RABGAP1: variants seen among roughly 807,000 people sequenced by gnomAD.
The protein encoded by RABGAP1 is RAB GTPase activating protein 1, also known as rab GTPase-activating protein 1.
In RABGAP1, 23 loss-of-function variants were observed where a neutral mutation model predicts 137.6. The observed-to-expected ratio is 0.17, with a 90% CI of 0.12 to 0.24. The LOEUF (loss-of-function observed/expected upper bound fraction) is 0.24. Among genes scored for constraint, RABGAP1 ranks in the 10% least tolerant of loss-of-function variants. The pLI, the probability that RABGAP1 is intolerant of heterozygous loss-of-function variation, is 1.00. For missense variants in RABGAP1, 906 were observed against 1,275.8 expected (o/e 0.71, Z 4.42); for synonymous variants, 451 against 450.7 (o/e 1.00, Z -0.01).
In RABGAP1 at chr9:123,086,906, C is replaced by G. The variant is rs141413921; in HGVS notation, c.2425-2852C>G. On this transcript the variant is annotated intron_variant, in intron 19 of 25. Coordinates refer to ENST00000373647, the MANE Select transcript of RABGAP1 (RefSeq NM_012197.4). Reference sequence around the variant, plus strand: ...ATCAGCTAGAGAAACAAGCAGAGCTCTTAGAGAAACCCTGTATAATTATGA... The same window carrying G: ...ATCAGCTAGAGAAACAAGCAGAGCTGTTAGAGAAACCCTGTATAATTATGA... Among the ~76,000 whole-genome samples the G allele has an allele frequency of 5.9e-5, 9 of 152,292 alleles. No individual in the cohort carries two copies. In the East Asian group the frequency reaches 1.7e-3, roughly 29 times the overall value.
intron 13 of RABGAP1, among the ~76,000 whole-genome samples, chr9:123,043,428 G>C (rs2033048361): frequency 6.6e-6 from 1 of 152,084 alleles, no homozygotes; most frequent in African/African-American, 2.4e-5. Flanking sequence ...GAGATTTTTA[G>C]GGGAAGAATT....
chr9:123,047,919 G>GTT lies in RABGAP1; in HGVS notation c.1795-17394_1795-17393dup, dbSNP rs59639446. On this transcript the variant is annotated intron_variant, in intron 13 of 25. Transcript: ENST00000373647. ...TATCTAGCCATTTTACAGCTGCTGG[G>GTT]TTTTTTTTTTTTTTTTTTTTTTTTT... 6.6e-3 allele frequency among the ~76,000 whole-genome samples: 410 copies of GTT among 62,284 alleles called. 151 individuals carry two copies. Among genetic ancestry groups the GTT allele is most frequent in the Non-Finnish European group, 0.011 (309 of 28,028 alleles). 40.9% of individuals were successfully genotyped at this position (62,284 alleles called of 152,430 possible). A position where few individuals can be genotyped will look rare whatever the true frequency, so the allele number is the denominator to read the frequency against.
Position 123,097,778 on chromosome 9 carries a change from T to C in RABGAP1, c.2666T>C (p.Leu889Pro). 6.2e-7 allele frequency: 1 copy of C among 1,613,958 alleles called. No individual in the cohort carries two copies. Among genetic ancestry groups the C allele is most frequent in the Non-Finnish European group, 8.5e-7 (1 of 1,179,950 alleles). The change falls in exon 22 of 26, where the codon CTG (leucine) becomes CCG (proline). Residue 889 changes from leucine (L) to proline (P), a missense_variant. Coordinates refer to ENST00000373647, the MANE Select transcript of RABGAP1 (RefSeq NM_012197.4). The part of the protein sequence containing the change: ...EKADALNKEL[L>P]MTKQKLIDAE... ...GCAGATGCTCTGAATAAGGAGCTGC[T>C]GATGACCAAACAGAAGTTGATTGAT...
At chr9:123,028,166 C>T (rs2032090639) in intron 13 of RABGAP1, among the ~76,000 whole-genome samples, 1 of 152,160 alleles carries the variant, frequency 6.6e-6, no homozygotes, top group Non-Finnish European at 1.5e-5. Flanking sequence ...TAAACAGTTA[C>T]CATGCTGGGG....
Position 122,990,786 on chromosome 9 carries a change from AAAAAAAAAAAATATATATAT to A in RABGAP1, c.923+575_923+594del, listed in dbSNP as rs1273744238. ...CTCCGTCTCAAAAAAAAAAAAAAAA[AAAAAAAAAAAATATATATAT>A]ATATATATATATATATATATATATA... On this transcript the variant is annotated intron_variant, in intron 6 of 25. Transcript: ENST00000373647. The A allele has an allele frequency of 3.7e-5, 3 of 80,694 alleles. No homozygotes were observed. In the East Asian group the frequency reaches 1.6e-3, roughly 43 times the overall value. The allele number at this position is 80,694 out of a possible 1,614,324, so 5.0% of individuals were successfully genotyped here. A position where few individuals can be genotyped will look rare whatever the true frequency, so the allele number is the denominator to read the frequency against.
intron 13 of RABGAP1, among the ~76,000 whole-genome samples, chr9:123,026,259 G>A (rs1278945686): frequency 6.6e-6 from 1 of 152,120 alleles, no homozygotes; most frequent in Admixed American, 6.5e-5. Context: ...CGGAGGCAGA[G>A]GTTGCAGTGA....
At chr9:123,005,109 A>C (rs1277443259) in intron 10 of RABGAP1, among the ~76,000 whole-genome samples, 1 of 150,420 alleles carries the variant, frequency 6.6e-6, no homozygotes, top group African/African-American at 2.4e-5. Context: ...TAATAGAATT[A>C]TTGGGTGAAA....
chr9:123,031,251 T>C (rs1263222987), intron 13 of RABGAP1, among the ~76,000 whole-genome samples: 1 of 152,192 alleles, frequency 6.6e-6, no homozygotes, highest in African/African-American at 2.4e-5. Context: ...GTGAACACTT[T>C]TTCTGTTTAT....
At chr9:122,987,621 A>G (rs757315498) in intron 4 of RABGAP1, among the ~76,000 whole-genome samples, 3 of 152,142 alleles carry the variant, frequency 2.0e-5, no homozygotes, top group South Asian at 2.1e-4. Context: ...TTATGATGGC[A>G]TATGAATGGG....
intron 13 of RABGAP1, 118 bp downstream of exon 13, chr9:123,020,577 C>A: frequency 9.7e-7 from 1 of 1,027,070 alleles, no homozygotes; most frequent in Non-Finnish European, 1.3e-6. Flanking sequence ...AAGAATAGAA[C>A]TGTTAATACT....
chr9:122,937,436 T>TAA, upstream of RABGAP1, among the ~76,000 whole-genome samples: 1 of 151,784 alleles, frequency 6.6e-6, no homozygotes, highest in South Asian at 2.1e-4. Context: ...CTGTCTCTAC[T>TAA]AAATACAAAA....
chr9:123,036,211 CACATAA>C (rs1294749897), intron 13 of RABGAP1, among the ~76,000 whole-genome samples: 4 of 152,102 alleles, frequency 2.6e-5, no homozygotes, highest in African/African-American at 9.7e-5. Flanking sequence ...ATAATGTGAA[CACATAA>C]ACATTAATTT....
intron 19 of RABGAP1, among the ~76,000 whole-genome samples, chr9:123,085,213 C>T (rs1173120311): frequency 1.3e-5 from 2 of 152,238 alleles, no homozygotes; most frequent in African/African-American, 2.4e-5. Flanking sequence ...AGTCTTCCTT[C>T]TCTCTAATTT....
At chr9:122,965,467 T>A (rs915309109) in intron 2 of RABGAP1, among the ~76,000 whole-genome samples, 1 of 152,176 alleles carries the variant, frequency 6.6e-6, no homozygotes, top group Non-Finnish European at 1.5e-5. Context: ...CACTTCAACC[T>A]CCGCCTCCTG....
chr9:122,941,572 C>G (rs1393753111), intron 1 of RABGAP1, among the ~76,000 whole-genome samples: 1 of 152,216 alleles, frequency 6.6e-6, no homozygotes, highest in African/African-American at 2.4e-5. Context: ...GCCTAAATTT[C>G]AAAGACTTGC....
At chr9:123,022,996 T>A (rs967304576) in intron 13 of RABGAP1, among the ~76,000 whole-genome samples, 1 of 152,168 alleles carries the variant, frequency 6.6e-6, no homozygotes, top group Non-Finnish European at 1.5e-5. Flanking sequence ...GTTACTTTTT[T>A]AAAAGTGCAT....
chr9:123,004,172 A>T (rs1300112084), intron 10 of RABGAP1, among the ~76,000 whole-genome samples: 2 of 152,226 alleles, frequency 1.3e-5, no homozygotes, highest in Non-Finnish European at 2.9e-5. Flanking sequence ...AAGTGTGATC[A>T]CTTAATTAAG....
At chr9:123,002,370 T>A (rs201526018) in intron 10 of RABGAP1, among the ~76,000 whole-genome samples, 2,555 of 50,086 alleles carry the variant, frequency 0.051, 81 homozygotes, top group African/African-American at 0.33. Flanking sequence ...ATATATATAT[T>A]TTTTTTTTAC....
chr9:123,095,099 T>G (rs1436251248), intron 21 of RABGAP1, among the ~76,000 whole-genome samples: 1 of 151,972 alleles, frequency 6.6e-6, no homozygotes, highest in Non-Finnish European at 1.5e-5. Context: ...TGGTGTCACA[T>G]GCCTATATTC....
Sources: gnomAD v4.1 joint callset for allele counts (sites outside exome capture counted in the v4.1 genomes callset) on GRCh38, gnomAD v4.1.1 for gene constraint, MANE v1.5 for transcripts, NCBI Gene and HGNC (gene_info 2026-07-23, HGNC 2026-07-21) for gene names.